PPM1L: variants seen among roughly 807,000 people sequenced by gnomAD.
PPM1L encodes the protein protein phosphatase 1L.
A neutral mutation model predicts 31.4 loss-of-function variants in PPM1L; 13 were observed. The observed-to-expected ratio is 0.41, with a 90% confidence interval of 0.27 to 0.66. The LOEUF (loss-of-function observed/expected upper bound fraction) is 0.66, where lower values mean the gene tolerates loss of function less well. Ranked by LOEUF, PPM1L falls within the 30% of genes least tolerant of loss-of-function variation. PPM1L has a pLI of 0.29. For synonymous variants in PPM1L, 184 were observed against 175.4 expected, an observed-to-expected ratio of 1.05 and a Z score of -0.39; for missense variants, 326 against 453.7, an observed-to-expected ratio of 0.72 and a Z score of 2.56.
intron 1 of PPM1L, among the ~76,000 whole-genome samples, chr3:160,829,306 T>C (rs1713446988): frequency 6.6e-6 from 1 of 151,962 alleles, no homozygotes; most frequent in Non-Finnish European, 1.5e-5. Flanking sequence ...TCAATAAATG[T>C]GTAATATGTC....
Position 160,862,330 on chromosome 3 carries a change from C to T in PPM1L, c.400-99406C>T, listed in dbSNP as rs567196672. Among the ~76,000 whole-genome samples the T allele has an allele frequency of 2.6e-5, 4 of 152,294 alleles. No homozygotes were observed. In the South Asian group the frequency reaches 8.3e-4, roughly 32 times the overall value. On this transcript the variant is annotated intron_variant, in intron 1 of 3. Coordinates refer to ENST00000498165, the MANE Select transcript of PPM1L (RefSeq NM_139245.4). Reference sequence around the variant, plus strand: ...CCCTTCAGTTGAAAGTGGTTTCCTTCAGATAGCTTCCTGGAAACTTCTGGG... The same window carrying T: ...CCCTTCAGTTGAAAGTGGTTTCCTTTAGATAGCTTCCTGGAAACTTCTGGG...
At chr3:160,900,579 T>C (rs1713505528) in intron 1 of PPM1L, among the ~76,000 whole-genome samples, 1 of 152,062 alleles carries the variant, frequency 6.6e-6, no homozygotes, top group Admixed American at 6.6e-5. Context: ...ATGGAAATAA[T>C]ATGAGATTTT....
chr3:160,855,032 A>G (rs1183762854), intron 1 of PPM1L, among the ~76,000 whole-genome samples: 1 of 152,174 alleles, frequency 6.6e-6, no homozygotes, highest in Admixed American at 6.5e-5. Flanking sequence ...AGACACATAG[A>G]CTAATGAAAC....
chr3:161,021,442 G>T (rs2108072280), intron 2 of PPM1L, among the ~76,000 whole-genome samples: 1 of 152,042 alleles, frequency 6.6e-6, no homozygotes, highest in Non-Finnish European at 1.5e-5. Context: ...TTGTTTTATA[G>T]TCTAACCTGG....
Position 161,065,578 on chromosome 3 carries a change from C to A in PPM1L, c.736+14C>A. The A allele has an allele frequency of 6.2e-7, 1 of 1,610,750 alleles. No homozygotes were observed. The highest frequency in any genetic ancestry group is 8.5e-7 in the Non-Finnish European group (1 of 1,177,710). Reference sequence around the variant, plus strand: ...TAAAGAGAGCAGGTGAGCTTGTGAACACCTCCAAGAAATGTCTGCTGTCTT... The same window carrying A: ...TAAAGAGAGCAGGTGAGCTTGTGAAAACCTCCAAGAAATGTCTGCTGTCTT... On this transcript the variant is annotated intron_variant, in intron 3 of 3. Transcript: ENST00000498165.
chr3:161,022,702 C>T (rs1156807595), intron 2 of PPM1L, among the ~76,000 whole-genome samples: 1 of 129,930 alleles, frequency 7.7e-6, no homozygotes, highest in African/African-American at 2.9e-5. Context: ...CTCGCTCTGT[C>T]ACCCAGGCTG....
intron 1 of PPM1L, among the ~76,000 whole-genome samples, chr3:160,882,503 T>TA (rs1400650640): frequency 6.6e-6 from 1 of 152,216 alleles, no homozygotes; most frequent in Non-Finnish European, 1.5e-5. Flanking sequence ...TCATGTTATG[T>TA]AAAATCAAAA....
rs191856611 is a variant in PPM1L, at chr3:161,063,021, A to G, written c.575-2382A>G. ...GAGAGTCCTATAGAGAGAGGACTCC[A>G]AGAGTGATGCTGAAGTAATGCCTAC... On this transcript the variant is annotated intron_variant, in intron 2 of 3. Coordinates refer to ENST00000498165, the MANE Select transcript of PPM1L (RefSeq NM_139245.4). Among the ~76,000 whole-genome samples the G allele has an allele frequency of 1.3e-4, 20 of 152,318 alleles. No individual in the cohort carries two copies. In the East Asian group the frequency reaches 3.5e-3, roughly 26 times the overall value.
chr3:161,077,341 G>C lies in PPM1L; in HGVS notation c.*8184G>C, dbSNP rs1451839184. The C allele has an allele frequency of 6.6e-6, 1 of 152,216 alleles. No individual in the cohort carries two copies. The highest frequency in any genetic ancestry group is 6.5e-5 in the Admixed American group (1 of 15,278). The allele number at this position is 152,216 out of a possible 1,614,324, so 9.4% of individuals were successfully genotyped here. A position where few individuals can be genotyped will look rare whatever the true frequency, so the allele number is the denominator to read the frequency against. On this transcript the variant is annotated 3_prime_UTR_variant, in exon 4 of 4. Transcript: ENST00000498165. ...GTGGGGAGTGAGACATGGAGCCTCT[G>C]GGGACAAGGATAGGGGGGTGGGACT...
intron 1 of PPM1L, among the ~76,000 whole-genome samples, chr3:160,774,994 T>C (rs568173472): frequency 1.3e-5 from 2 of 152,364 alleles, no homozygotes; most frequent in Admixed American, 1.3e-4. Flanking sequence ...AGCTGTCTGA[T>C]TGCATTTGCT....
intron 1 of PPM1L, among the ~76,000 whole-genome samples, chr3:160,873,233 A>C (rs745791585): frequency 6.6e-6 from 1 of 152,184 alleles, no homozygotes; most frequent in Non-Finnish European, 1.5e-5. Flanking sequence ...TAACAAGCAT[A>C]TGGGCATCTC....
chr3:160,765,303 T>A (rs1475490103), intron 1 of PPM1L, among the ~76,000 whole-genome samples: 1 of 152,188 alleles, frequency 6.6e-6, no homozygotes, highest in Non-Finnish European at 1.5e-5. Flanking sequence ...CAGTTTTTGG[T>A]TGAAGCCCTA....
In PPM1L at chr3:160,970,787, A is replaced by ATTTTTTTTT. The variant is rs71628437; in HGVS notation, c.574+8891_574+8899dup. 3.7e-4 allele frequency among the ~76,000 whole-genome samples: 36 copies of ATTTTTTTTT among 97,168 alleles called. 2 individuals are homozygous for ATTTTTTTTT. Among genetic ancestry groups the ATTTTTTTTT allele is most frequent in the African/African-American group, 1.4e-3 (32 of 22,322 alleles). The allele number at this position is 97,168 out of a possible 152,430, so 63.7% of individuals were successfully genotyped here. A position where few individuals can be genotyped will look rare whatever the true frequency, so the allele number is the denominator to read the frequency against. ...CAAGCTGATTTTAATTTCAGTTATA[A>ATTTTTTTTT]TTTTTTTTTTTTTTTTTTTTTTGAG... On this transcript the variant is annotated intron_variant, in intron 2 of 3. Coordinates refer to ENST00000498165, the MANE Select transcript of PPM1L (RefSeq NM_139245.4).
chr3:160,882,571 A>G (rs1266420399), intron 1 of PPM1L, among the ~76,000 whole-genome samples: 1 of 152,236 alleles, frequency 6.6e-6, no homozygotes, highest in Non-Finnish European at 1.5e-5. Context: ...ATCCACTGTC[A>G]TATGACCTCA....
At chr3:160,804,496 A>G (rs80280536) in intron 1 of PPM1L, among the ~76,000 whole-genome samples, 1,851 of 152,274 alleles carry the variant, frequency 0.012, 32 homozygotes, top group African/African-American at 0.043. Flanking sequence ...TGAAGAAAAA[A>G]ATCAAGCATT....
chr3:160,760,768 T>G (rs1714950095), intron 1 of PPM1L, among the ~76,000 whole-genome samples: 1 of 152,104 alleles, frequency 6.6e-6, no homozygotes, highest in South Asian at 2.1e-4. Context: ...CCAAATCCTT[T>G]GGCACCTCTA....
intron 1 of PPM1L, among the ~76,000 whole-genome samples, chr3:160,894,221 A>G (rs1310838410): frequency 2.6e-5 from 4 of 152,184 alleles, no homozygotes; most frequent in Non-Finnish European, 4.4e-5. Context: ...CATTCTTACA[A>G]TTTAGATGTA....
At chr3:160,857,631 A>T (rs774285201) in intron 1 of PPM1L, among the ~76,000 whole-genome samples, 6 of 152,158 alleles carry the variant, frequency 3.9e-5, no homozygotes, top group Non-Finnish European at 8.8e-5. Context: ...CATTTTGAGT[A>T]TCTATTCTAT....
At chr3:160,937,419 G>A (rs1386050955) in intron 1 of PPM1L, among the ~76,000 whole-genome samples, 1 of 152,118 alleles carries the variant, frequency 6.6e-6, no homozygotes, top group African/African-American at 2.4e-5. Context: ...AGGAGATCAA[G>A]ACCATCCTGG....
Sources: allele counts gnomAD v4.1 joint callset (sites outside exome capture counted in the v4.1 genomes callset), GRCh38; gene constraint gnomAD v4.1.1; transcripts MANE v1.5; gene names NCBI Gene and HGNC (gene_info 2026-07-23, HGNC 2026-07-21).